Variants in PSMA1 observed in about 807,000 individuals in gnomAD.
PSMA1 encodes proteasome 20S subunit alpha 1, also known as proteasome subunit alpha type-1.
In PSMA1, 3 loss-of-function variants were observed where a neutral mutation model predicts 38.4. That is an observed-to-expected ratio of 0.08 (90% CI 0.04 to 0.20). PSMA1 has a LOEUF of 0.20. PSMA1 is among the 10% of genes least tolerant of loss of function. PSMA1 has a pLI of 1.00. For missense variants in PSMA1, 227 were observed against 325.3 expected, an observed-to-expected ratio of 0.70 and a Z score of 2.32; for synonymous variants, 101 against 107.1, an observed-to-expected ratio of 0.94 and a Z score of 0.35.
intron 2 of PSMA1, chr11:14,610,854 A>C: frequency 1.9e-6 from 2 of 1,078,994 alleles, no homozygotes; most frequent in Non-Finnish European, 2.7e-6. Flanking sequence ...TTTCTAGCCT[A>C]GAGATGCGTT....
intron 8 of PSMA1, among the ~76,000 whole-genome samples, chr11:14,510,159 T>A (rs181853262): frequency 1.1e-4 from 16 of 152,120 alleles, no homozygotes; most frequent in Admixed American, 2.0e-4. Context: ...GGGACCTCCA[T>A]TACCTCTCTG....
At chr11:14,518,164 A>C (rs1229376208) in intron 2 of PSMA1, among the ~76,000 whole-genome samples, 183 bp from the exon 3 acceptor site, 5 of 151,698 alleles carry the variant, frequency 3.3e-5, no homozygotes, top group African/African-American at 1.2e-4. Flanking sequence ...GCAGTGGCAC[A>C]ATCTTCAGCT....
At position 14,510,865 on chromosome 11, in the gene PSMA1, T is replaced by A; in HGVS notation, c.624+7A>T. ...TAATATCTACAATTGGAAAAGACAA[T>A]ACTTACCTTTGTAGTCAGGTCCTGT... On this transcript the variant is annotated splice_region_variant and intron_variant, in intron 8 of 9. Coordinates refer to ENST00000396394, the MANE Select transcript of PSMA1 (RefSeq NM_002786.4). 6.3e-7 allele frequency: 1 copy of A among 1,589,512 alleles called. No homozygotes were observed.
At chr11:14,530,896 C>T (rs1473740168) in intron 2 of PSMA1, among the ~76,000 whole-genome samples, 2 of 90,654 alleles carry the variant, frequency 2.2e-5, no homozygotes, top group East Asian at 3.2e-4. Flanking sequence ...GTCAAGACTC[C>T]GTCTCAAAAA....
intron 2 of PSMA1, among the ~76,000 whole-genome samples, chr11:14,595,627 T>C (rs1318649775): frequency 6.6e-6 from 1 of 152,252 alleles, no homozygotes; most frequent in East Asian, 1.9e-4. Context: ...GAGTTCTTTG[T>C]AGATTCTGGA....
At chr11:14,633,837 G>A (rs1019772114) in intron 1 of PSMA1, among the ~76,000 whole-genome samples, 13 of 152,294 alleles carry the variant, frequency 8.5e-5, no homozygotes, top group African/African-American at 2.9e-4. Context: ...ATATAATCTC[G>A]TGATGCGCCG....
At chr11:14,576,677 C>G (rs1852220709) in intron 2 of PSMA1, among the ~76,000 whole-genome samples, 1 of 152,174 alleles carries the variant, frequency 6.6e-6, no homozygotes, top group Non-Finnish European at 1.5e-5. Flanking sequence ...GTTTTGTTTA[C>G]TGTAGCCTTG....
chr11:14,524,942 C>A (rs1415980464), upstream of PSMA1, among the ~76,000 whole-genome samples: 1 of 152,104 alleles, frequency 6.6e-6, no homozygotes, highest in Non-Finnish European at 1.5e-5. Flanking sequence ...CTCGGCTTAG[C>A]GGCTGAAGAC....
intron 1 of PSMA1, among the ~76,000 whole-genome samples, chr11:14,629,276 T>A (rs1450235234): frequency 7.2e-5 from 11 of 152,084 alleles, no homozygotes; most frequent in Non-Finnish European, 1.0e-4. Context: ...GCCTAGGTTT[T>A]CTTCTAGGGT....
intron 1 of PSMA1, among the ~76,000 whole-genome samples, chr11:14,642,684 G>A (rs553803559): frequency 1.3e-5 from 2 of 152,300 alleles, no homozygotes; most frequent in Admixed American, 1.3e-4. Flanking sequence ...TGAAGCGAGA[G>A]CTTAGGGAGG....
intron 2 of PSMA1, among the ~76,000 whole-genome samples, chr11:14,530,617 T>A (rs962134463): frequency 6.6e-6 from 1 of 152,134 alleles, no homozygotes; most frequent in East Asian, 1.9e-4. Context: ...AGTTAAGAGT[T>A]AGTGGGCTGG....
At chr11:14,600,281 CTA>C in intron 2 of PSMA1, among the ~76,000 whole-genome samples, 1 of 152,234 alleles carries the variant, frequency 6.6e-6, no homozygotes, top group East Asian at 1.9e-4. Context: ...CTCTTCAGAG[CTA>C]TGAGACAGGG....
chr11:14,517,802 T>G (rs1851457331), intron 3 of PSMA1, 57 bp from the exon 4 acceptor site: 2 of 1,499,562 alleles, frequency 1.3e-6, no homozygotes, highest in African/African-American at 2.9e-5. Flanking sequence ...AATGTAAAAA[T>G]AAGTTTACAA....
At chr11:14,513,294 G>A (rs1162170628) in intron 7 of PSMA1, among the ~76,000 whole-genome samples, 1 of 152,090 alleles carries the variant, frequency 6.6e-6, no homozygotes, top group Non-Finnish European at 1.5e-5. Context: ...CCACTCCACA[G>A]GGCACACTTC....
intron 2 of PSMA1, among the ~76,000 whole-genome samples, chr11:14,566,332 G>C (rs1238832841): frequency 2.6e-5 from 4 of 152,202 alleles, no homozygotes; most frequent in Admixed American, 2.6e-4. Context: ...GGGTAGCAGT[G>C]GGAGCAATGA....
chr11:14,506,662 A>G (rs769599148), intron 9 of PSMA1, among the ~76,000 whole-genome samples: 3 of 152,196 alleles, frequency 2.0e-5, no homozygotes, highest in South Asian at 2.1e-4. Context: ...CTGGCCCCCA[A>G]TGAGCATTTC....
Position 14,643,117 on chromosome 11 carries a change from T to C in PSMA1, c.-166+338A>G, listed in dbSNP as rs549084080. On this transcript the variant is annotated intron_variant, in intron 1 of 10. Transcript: ENST00000418988. The stretch of plus-strand genomic sequence containing the variant: ...AACACTCAAGAACGTGCACGTGGAG[T>C]GCTACTAGAGTGCACTCCACGTGCA... 1.1e-4 allele frequency among the ~76,000 whole-genome samples: 17 copies of C among 149,728 alleles called. 1 individual carries two copies. The South Asian group carries it at 3.2e-3, about 28-fold the overall frequency.
intron 2 of PSMA1, among the ~76,000 whole-genome samples, chr11:14,541,276 T>G (rs966290074): frequency 1.3e-5 from 2 of 152,230 alleles, no homozygotes; most frequent in African/African-American, 4.8e-5. Context: ...TTAGTTTCAG[T>G]CTTTCCAAAT....
chr11:14,631,333 T>C (rs1311793510), intron 1 of PSMA1, among the ~76,000 whole-genome samples: 3 of 152,196 alleles, frequency 2.0e-5, no homozygotes, highest in Non-Finnish European at 4.4e-5. Flanking sequence ...ACACACTGCT[T>C]TGAATGTGTC....
Sources: allele counts gnomAD v4.1 joint callset (sites outside exome capture counted in the v4.1 genomes callset), GRCh38; gene constraint gnomAD v4.1.1; transcripts MANE v1.5; gene names NCBI Gene and HGNC (gene_info 2026-07-23, HGNC 2026-07-21).